The following ORC2 variants were observed in gnomAD, a reference collection of about 807,000 sequenced individuals.
ORC2 encodes the protein origin recognition complex protein 2 homolog.
In ORC2, 37 loss-of-function variants were observed where a neutral mutation model predicts 77.7. The observed-to-expected ratio is 0.48, with a 90% CI of 0.37 to 0.63. The LOEUF is 0.63. Ranked by LOEUF, ORC2 falls within the 20% of genes least tolerant of loss-of-function variation. The pLI, the probability that ORC2 is intolerant of heterozygous loss-of-function variation, is 0.00. For missense variants in ORC2, 557 were observed against 661.9 expected, an observed-to-expected ratio of 0.84 and a Z score of 1.74; for synonymous variants, 201 against 229.5, an observed-to-expected ratio of 0.88 and a Z score of 1.12.
intron 9 of ORC2, 133 bp from the exon 10 acceptor site, chr2:200,934,107 A>G (rs563763181): frequency 2.0e-6 from 1 of 511,902 alleles, no homozygotes; most frequent in East Asian, 3.0e-5. Flanking sequence ...TTAAAGCAAC[A>G]GTACCAGTTA....
chr2:200,942,089 A>C (rs1374913545), intron 6 of ORC2, among the ~76,000 whole-genome samples: 6 of 152,226 alleles, frequency 3.9e-5, no homozygotes, highest in African/African-American at 1.4e-4. Flanking sequence ...CTGAGGCTAG[A>C]GGATCACTTG....
intron 5 of ORC2, among the ~76,000 whole-genome samples, chr2:200,944,479 G>A (rs1023437641): frequency 6.6e-6 from 1 of 152,018 alleles, no homozygotes; most frequent in African/African-American, 2.4e-5. Flanking sequence ...GGCTAAGATA[G>A]TCATTTTTGT....
At position 200,920,758 on chromosome 2, in the gene ORC2, C is replaced by G. The variant is rs186055737; in HGVS notation, c.1294+235G>C. Reference sequence around the variant, plus strand: ...AAAGAGACCAAAATAATAGTTGGGTCTTTTCCCTCCATTTAACTTTAGACT... The same window carrying G: ...AAAGAGACCAAAATAATAGTTGGGTGTTTTCCCTCCATTTAACTTTAGACT... On this transcript the variant is annotated intron_variant, in intron 14 of 17. Transcript: ENST00000234296. 2.0e-5 allele frequency among the ~76,000 whole-genome samples: 3 copies of G among 152,288 alleles called. No individual in the cohort carries two copies. The East Asian group carries it at 5.8e-4, about 29-fold the overall frequency.
At chr2:200,922,213 G>T (rs920756779) in intron 13 of ORC2, among the ~76,000 whole-genome samples, 3 of 151,756 alleles carry the variant, frequency 2.0e-5, no homozygotes, top group Admixed American at 6.6e-5. Flanking sequence ...ATAAAAGTCA[G>T]TGAAGGAGGA....
chr2:200,917,380 G>A (rs2040675270), intron 15 of ORC2, among the ~76,000 whole-genome samples: 1 of 152,030 alleles, frequency 6.6e-6, no homozygotes, highest in South Asian at 2.1e-4. Context: ...TCAAACTCCT[G>A]GCCTCATGCA....
At chr2:200,942,576 A>G in intron 6 of ORC2, 109 bp downstream of exon 6, 1 of 534,978 alleles carries the variant, frequency 1.9e-6, no homozygotes. Context: ...ATGAATTTTC[A>G]GAAAAGAAGA....
At chr2:200,955,426 T>C (rs757170340) in intron 4 of ORC2, among the ~76,000 whole-genome samples, 1 of 152,212 alleles carries the variant, frequency 6.6e-6, no homozygotes, top group Non-Finnish European at 1.5e-5. Flanking sequence ...ATTATGTTCA[T>C]TAATATAATA....
rs376961822 is a variant in ORC2 at position 200,933,909 on chromosome 2, T to C, written c.774A>G (p.Thr258=). The part of the protein sequence containing the change: ...SSSKVLTSDR[T]LQKLKRAKLD... Reference sequence around the variant, plus strand: ...GTTTAGCTCTCTTTAGCTTCTGCAGTGTTCTATCAGAGGTTAAAACTTTTG... The same window carrying C: ...GTTTAGCTCTCTTTAGCTTCTGCAGCGTTCTATCAGAGGTTAAAACTTTTG... Residue 258 remains threonine, a synonymous_variant, in exon 10 of 18, where the codon ACA becomes ACG. Coordinates refer to ENST00000234296, the MANE Select transcript of ORC2 (RefSeq NM_006190.5). 1.1e-4 allele frequency: 179 copies of C among 1,610,122 alleles called. No individual in the cohort carries two copies. The highest frequency in any genetic ancestry group is 1.4e-4 in the Non-Finnish European group (170 of 1,177,658).
chr2:200,923,272 G>A lies in ORC2; in HGVS notation c.1148-2133C>T, dbSNP rs143584847. Reference sequence around the variant, plus strand: ...TTATTTATTTACTCTTTTTGGAGACGGAGTCTCGCTCTGTTGCCCAGGCTG... The same window carrying A: ...TTATTTATTTACTCTTTTTGGAGACAGAGTCTCGCTCTGTTGCCCAGGCTG... On this transcript the variant is annotated intron_variant, in intron 13 of 17. Coordinates refer to ENST00000234296, the MANE Select transcript of ORC2 (RefSeq NM_006190.5). Among the ~76,000 whole-genome samples the A allele has an allele frequency of 3.2e-4, 49 of 151,992 alleles. No homozygotes were observed. The East Asian group carries it at 7.5e-3, about 23-fold the overall frequency.
At chr2:200,938,293 G>A (rs2041084406) in intron 7 of ORC2, among the ~76,000 whole-genome samples, 1 of 152,160 alleles carries the variant, frequency 6.6e-6, no homozygotes, top group African/African-American at 2.4e-5. Flanking sequence ...ACCTCCCAAA[G>A]TACTGGGATT....
chr2:200,936,640 GCTGCCT>G, intron 8 of ORC2, among the ~76,000 whole-genome samples: 1 of 152,190 alleles, frequency 6.6e-6, no homozygotes, highest in East Asian at 1.9e-4. Context: ...ATTTTCTGTT[GCTGCCT>G]ACTGAAAACG....
chr2:200,949,107 G>A (rs16836160), intron 5 of ORC2, among the ~76,000 whole-genome samples: 25,351 of 151,660 alleles, frequency 0.17, 2,307 homozygotes, highest in African/African-American at 0.2. Flanking sequence ...CGGGTGTGGT[G>A]GAGCACACCT....
intron 15 of ORC2, among the ~76,000 whole-genome samples, chr2:200,914,417 C>T (rs191755860): frequency 1.0e-3 from 152 of 152,244 alleles, no homozygotes; most frequent in African/African-American, 3.3e-3. Context: ...CCGCCCGCCT[C>T]GGCCTCCCAA....
intron 5 of ORC2, among the ~76,000 whole-genome samples, chr2:200,943,566 G>C (rs916226228): frequency 6.6e-6 from 1 of 152,106 alleles, no homozygotes; most frequent in African/African-American, 2.4e-5. Context: ...TGTTCACTGA[G>C]AAAAAGGGCA....
At position 200,931,452 on chromosome 2, in the gene ORC2, T is replaced by TAAA. The variant is rs774257534; in HGVS notation, c.808-7_808-5dup. The TAAA allele has an allele frequency of 1.3e-6, 2 of 1,516,926 alleles. No homozygotes were observed. Among genetic ancestry groups the TAAA allele is most frequent in the Admixed American group, 2.1e-5 (1 of 48,334 alleles). The allele number at this position is 1,516,926 out of a possible 1,614,324, so 94.0% of individuals were successfully genotyped here. ...TCAATAAGTTACGCAAAGTTTGCTT[T>TAAA]AAAAAAAAGGAGGAGGGGAAAAAAG... On this transcript the variant is annotated splice_polypyrimidine_tract_variant and splice_region_variant and intron_variant, in intron 10 of 17. Coordinates refer to ENST00000234296, the MANE Select transcript of ORC2 (RefSeq NM_006190.5).
chr2:200,943,863 T>G (rs2125007104), intron 5 of ORC2, among the ~76,000 whole-genome samples: 1 of 152,092 alleles, frequency 6.6e-6, no homozygotes, highest in East Asian at 1.9e-4. Flanking sequence ...TATGACATTA[T>G]CCTGGTTCCC....
chr2:200,947,102 A>G (rs1237621215), intron 5 of ORC2, among the ~76,000 whole-genome samples: 2 of 152,050 alleles, frequency 1.3e-5, no homozygotes, highest in Non-Finnish European at 2.9e-5. Context: ...GGGTTTCACC[A>G]TGTTGGCCAG....
At chr2:200,922,847 C>T (rs1432763988) in intron 13 of ORC2, among the ~76,000 whole-genome samples, 13 of 152,166 alleles carry the variant, frequency 8.5e-5, no homozygotes, top group Admixed American at 8.5e-4. Flanking sequence ...AAAAGCAATG[C>T]TTCTGTTATT....
chr2:200,925,957 A>G, intron 12 of ORC2, 25 bp from the exon 13 acceptor site: 1 of 1,023,836 alleles, frequency 9.8e-7, no homozygotes, highest in Non-Finnish European at 1.5e-6. Context: ...TGGAAGAGGT[A>G]CCACATTAAT....
Sources: allele counts gnomAD v4.1 joint callset (sites outside exome capture counted in the v4.1 genomes callset), GRCh38; gene constraint gnomAD v4.1.1; transcripts MANE v1.5; gene names NCBI Gene and HGNC (gene_info 2026-07-23, HGNC 2026-07-21).